Variants in IGSF23 observed in about 807,000 individuals in gnomAD.
IGSF23 encodes the protein immunoglobulin superfamily member 23.
IGSF23 carries 14 observed loss-of-function variants against 17.8 expected under a neutral mutation model. That is an observed-to-expected ratio of 0.79 (90% confidence interval 0.52 to 1.23). The LOEUF is 1.23. Ranked by LOEUF, IGSF23 falls within the 50% of genes most tolerant of loss-of-function variation. The pLI is 0.00. For synonymous variants in IGSF23, 85 were observed against 92.5 expected (o/e 0.92, Z 0.46); for missense variants, 214 against 241.7 (o/e 0.89, Z 0.76).
intron 3 of IGSF23, 102 bp downstream of exon 3, chr19:44,627,675 C>CAT: frequency 7.5e-7 from 1 of 1,326,712 alleles, no homozygotes; most frequent in Non-Finnish European, 1.0e-6. Flanking sequence ...CCAACACCCC[C>CAT]ATCAGGGAGG....
At chr19:44,619,638 C>T (rs956981020) in intron 1 of IGSF23, among the ~76,000 whole-genome samples, 3 of 152,162 alleles carry the variant, frequency 2.0e-5, no homozygotes, top group Admixed American at 1.3e-4. Flanking sequence ...CAGGTTTCAT[C>T]TCCTCTGAGG....
At chr19:44,623,638 C>G in intron 1 of IGSF23, 69 bp from the exon 2 acceptor site, 1 of 1,402,528 alleles carries the variant, frequency 7.1e-7, no homozygotes. Flanking sequence ...CTATGGTGGG[C>G]AGAAGAAATG....
At position 44,635,376 on chromosome 19, in the gene IGSF23, GTCTCTC is replaced by G; in HGVS notation, c.546-14_546-9del. ...TCTCTCTCTCTCTCTCTCTCTCTCT[GTCTCTC>G]TCTCTCTCTCCACTGCAGGACTGAC... On this transcript the variant is annotated intron_variant, in intron 3 of 4. Coordinates refer to ENST00000402988, the MANE Select transcript of IGSF23 (RefSeq NM_001205280.2). The G allele has an allele frequency of 9.4e-7, 1 of 1,059,424 alleles. No individual in the cohort carries two copies. The highest frequency in any genetic ancestry group is 1.8e-5 in the African/African-American group (1 of 55,740). The allele number at this position is 1,059,424 out of a possible 1,614,324, so 65.6% of individuals were successfully genotyped here.
chr19:44,613,821 G>C (rs1007383803), intron 1 of IGSF23, 51 bp downstream of exon 1: 1 of 1,548,014 alleles, frequency 6.5e-7, no homozygotes, highest in Non-Finnish European at 8.7e-7. Context: ...TCGTGAGCAG[G>C]GTCCTGCAGG....
intron 3 of IGSF23, among the ~76,000 whole-genome samples, chr19:44,630,139 G>A (rs545478076): frequency 1.4e-4 from 21 of 152,282 alleles, no homozygotes; most frequent in Non-Finnish European, 2.5e-4. Context: ...TATGTTGTGA[G>A]GAAGAGAAAT....
At chr19:44,631,845 G>T (rs187382380) in intron 3 of IGSF23, among the ~76,000 whole-genome samples, 1 of 152,308 alleles carries the variant, frequency 6.6e-6, no homozygotes, top group African/African-American at 2.4e-5. Context: ...CCCTGGGTGG[G>T]CAAGGTGTTC....
At chr19:44,630,106 T>C (rs755446433) in intron 3 of IGSF23, among the ~76,000 whole-genome samples, 3 of 152,180 alleles carry the variant, frequency 2.0e-5, no homozygotes, top group Non-Finnish European at 2.9e-5. Flanking sequence ...CCACCATCAG[T>C]AACTGTACAG....
At chr19:44,624,187 T>G (rs1475491508) in intron 2 of IGSF23, among the ~76,000 whole-genome samples, 1 of 152,046 alleles carries the variant, frequency 6.6e-6, no homozygotes, top group Non-Finnish European at 1.5e-5. Flanking sequence ...CTTCTTCTTC[T>G]TTTCTTTCTT....
intron 1 of IGSF23, among the ~76,000 whole-genome samples, chr19:44,622,079 G>A (rs966252852): frequency 5.3e-5 from 8 of 152,076 alleles, no homozygotes; most frequent in African/African-American, 1.4e-4. Context: ...AAAATTAGCC[G>A]GATGTGGTGG....
At chr19:44,631,651 A>G (rs1453163775) in intron 3 of IGSF23, among the ~76,000 whole-genome samples, 1 of 152,362 alleles carries the variant, frequency 6.6e-6, no homozygotes, top group African/African-American at 2.4e-5. Context: ...CCACGTATTT[A>G]TTAACATTAG....
chr19:44,631,819 T>C (rs1972772927), intron 3 of IGSF23, among the ~76,000 whole-genome samples: 1 of 152,260 alleles, frequency 6.6e-6, no homozygotes, highest in Non-Finnish European at 1.5e-5. Context: ...TAAAAACGCC[T>C]TTAAGTGGTT....
At chr19:44,628,036 C>A (rs1291103833) in intron 3 of IGSF23, among the ~76,000 whole-genome samples, 1 of 150,952 alleles carries the variant, frequency 6.6e-6, no homozygotes, top group East Asian at 2.0e-4. Context: ...CCTCTGCTTG[C>A]CAGGTTCAAG....
chr19:44,616,507 C>A (rs966590916), intron 1 of IGSF23, among the ~76,000 whole-genome samples: 3 of 151,828 alleles, frequency 2.0e-5, no homozygotes, highest in African/African-American at 7.3e-5. Flanking sequence ...ACCATCCTGG[C>A]CGACATGGTG....
intron 1 of IGSF23, among the ~76,000 whole-genome samples, chr19:44,614,509 T>C (rs972220938): frequency 1.3e-5 from 2 of 152,096 alleles, no homozygotes; most frequent in African/African-American, 2.4e-5. Context: ...AATGACTCAT[T>C]GCAGCTTCAA....
chr19:44,635,223 C>T (rs1393378299), intron 3 of IGSF23, among the ~76,000 whole-genome samples, 178 bp from the exon 4 acceptor site: 1 of 152,120 alleles, frequency 6.6e-6, no homozygotes, highest in Non-Finnish European at 1.5e-5. Context: ...GATCAGGACC[C>T]CACTCTTATG....
intron 1 of IGSF23, 145 bp from the exon 2 acceptor site, chr19:44,623,562 C>T: frequency 1.1e-6 from 1 of 871,554 alleles, no homozygotes; most frequent in Non-Finnish European, 1.8e-6. Context: ...GGGCACAGAC[C>T]AGGCTCTTCA....
intron 3 of IGSF23, among the ~76,000 whole-genome samples, chr19:44,629,186 C>T (rs1482652094): frequency 2.0e-5 from 3 of 152,126 alleles, no homozygotes. Flanking sequence ...CATGGAGGGT[C>T]TAGTGCAAGG....
At chr19:44,616,203 T>G (rs992412070) in intron 1 of IGSF23, among the ~76,000 whole-genome samples, 1 of 152,074 alleles carries the variant, frequency 6.6e-6, no homozygotes, top group Admixed American at 6.5e-5. Context: ...AGCTCTTGAG[T>G]GATTAAAAAT....
chr19:44,627,947 C>CTTT (rs56014048), intron 3 of IGSF23, among the ~76,000 whole-genome samples: 4 of 139,330 alleles, frequency 2.9e-5, no homozygotes, highest in Non-Finnish European at 6.2e-5. Context: ...TTTTCTTTTT[C>CTTT]TTTTTTTTTT....
Sources: gnomAD v4.1 joint callset for allele counts (sites outside exome capture counted in the v4.1 genomes callset) on GRCh38, gnomAD v4.1.1 for gene constraint, MANE v1.5 for transcripts, NCBI Gene and HGNC (gene_info 2026-07-23, HGNC 2026-07-21) for gene names.